Variants in ZFYVE1 observed in about 807,000 individuals in gnomAD.
ZFYVE1 encodes the protein zinc finger FYVE domain-containing protein 1.
ZFYVE1 carries 30 observed loss-of-function variants against 74.4 expected under a neutral mutation model. That is an observed-to-expected ratio of 0.40 (90% confidence interval 0.30 to 0.55). The LOEUF (loss-of-function observed/expected upper bound fraction) is 0.55. ZFYVE1 is among the 20% of genes least tolerant of loss of function. The pLI is 0.42. For missense variants in ZFYVE1, 703 were observed against 1,011.6 expected, an observed-to-expected ratio of 0.69 and a Z score of 4.14; for synonymous variants, 335 against 385.1, an observed-to-expected ratio of 0.87 and a Z score of 1.52.
At chr14:72,985,970 G>A (rs1048225469) in intron 4 of ZFYVE1, among the ~76,000 whole-genome samples, 1 of 152,120 alleles carries the variant, frequency 6.6e-6, no homozygotes, top group Non-Finnish European at 1.5e-5. Flanking sequence ...TGAAAGGCTA[G>A]CCTAAGTATT....
At chr14:73,011,342 C>A (rs1355225172) in intron 2 of ZFYVE1, among the ~76,000 whole-genome samples, 3 of 151,650 alleles carry the variant, frequency 2.0e-5, no homozygotes, top group Non-Finnish European at 4.4e-5. Flanking sequence ...AAAAAATTAA[C>A]CGGGAGTGGT....
chr14:72,972,243 G>A (rs145040920), intron 11 of ZFYVE1, among the ~76,000 whole-genome samples: 2 of 152,144 alleles, frequency 1.3e-5, no homozygotes, highest in Admixed American at 6.5e-5. Context: ...TAACCTCTCA[G>A]GGGCTTACTC....
At chr14:72,984,956 C>A (rs996223862) in intron 4 of ZFYVE1, among the ~76,000 whole-genome samples, 14 of 152,170 alleles carry the variant, frequency 9.2e-5, no homozygotes, top group African/African-American at 3.4e-4. Flanking sequence ...GAATAAGTGC[C>A]CAGCACCAAC....
chr14:72,984,173 C>CA (rs112136370), intron 4 of ZFYVE1, among the ~76,000 whole-genome samples: 4,221 of 151,834 alleles, frequency 0.028, 173 homozygotes, highest in African/African-American at 0.094. Flanking sequence ...CTTCAAACAA[C>CA]AAAAAAAATG....
At chr14:72,996,462 C>G (rs1893751070) in intron 3 of ZFYVE1, among the ~76,000 whole-genome samples, 1 of 152,188 alleles carries the variant, frequency 6.6e-6, no homozygotes. Flanking sequence ...AACACGATCA[C>G]AGCTCACTGC....
At chr14:73,007,780 T>C (rs1894009749) in intron 2 of ZFYVE1, among the ~76,000 whole-genome samples, 3 of 152,156 alleles carry the variant, frequency 2.0e-5, no homozygotes. Flanking sequence ...AATAGCAAGG[T>C]TTAAGTTCTA....
chr14:73,002,402 A>G (rs1893890804), intron 2 of ZFYVE1, among the ~76,000 whole-genome samples: 1 of 152,164 alleles, frequency 6.6e-6, no homozygotes, highest in Non-Finnish European at 1.5e-5. Context: ...AAACTGGTGA[A>G]TATTATGGTA....
Position 72,975,247 on chromosome 14 carries a change from C to G in ZFYVE1, c.1807-288G>C. The stretch of plus-strand genomic sequence containing the variant: ...GATGACCCTAAATAACCTCTAAAGA[C>G]CCCTTTTCCTCCAGATTCTTATCTG... On this transcript the variant is annotated intron_variant, in intron 9 of 11. Coordinates refer to ENST00000556143, the MANE Select transcript of ZFYVE1 (RefSeq NM_021260.4). This position sits in a 1 kb window ranked among gnomAD's most constrained non-coding sequence, Gnocchi z 4.1. 1 of 505,222 alleles carries G rather than the reference C, an allele frequency of 2.0e-6. No homozygotes were observed. The highest frequency in any genetic ancestry group is 1.9e-5 in the African/African-American group (1 of 52,362). 31.3% of individuals were successfully genotyped at this position (505,222 alleles called of 1,614,324 possible).
intron 4 of ZFYVE1, among the ~76,000 whole-genome samples, chr14:72,988,669 T>C (rs955771509): frequency 2.0e-5 from 3 of 151,368 alleles, no homozygotes; most frequent in African/African-American, 7.3e-5. Flanking sequence ...TAGCTAGGCA[T>C]GGTGGTGTGT....
Position 72,969,731 on chromosome 14 carries a change from A to G in ZFYVE1, c.*1151T>C, listed in dbSNP as rs1892980265. On this transcript the variant is annotated 3_prime_UTR_variant, in exon 12 of 12. Coordinates refer to ENST00000556143, the MANE Select transcript of ZFYVE1 (RefSeq NM_021260.4). ...GATTTCAGCACAACGGGCCCTTTCC[A>G]GTCATGACAGACAGAGATGTCCAGG... 2 of 702,218 alleles carry G rather than the reference A, an allele frequency of 2.8e-6. No individual in the cohort carries two copies. The highest frequency in any genetic ancestry group is 4.0e-5 in the Admixed American group (2 of 49,976). The allele number at this position is 702,218 out of a possible 1,614,324, so 43.5% of individuals were successfully genotyped here.
intron 10 of ZFYVE1, among the ~76,000 whole-genome samples, chr14:72,974,540 C>T (rs1003541217): frequency 2.6e-5 from 4 of 152,184 alleles, no homozygotes; most frequent in East Asian, 1.9e-4. Flanking sequence ...TTGCTATGTG[C>T]GCATTCCCTT....
At chr14:72,982,477 C>G in intron 4 of ZFYVE1, among the ~76,000 whole-genome samples, 1 of 151,952 alleles carries the variant, frequency 6.6e-6, no homozygotes, top group South Asian at 2.1e-4. Flanking sequence ...ACCCAAAGGA[C>G]AGCAAATGGC....
At chr14:73,007,273 A>T (rs1468948429) in intron 2 of ZFYVE1, among the ~76,000 whole-genome samples, 2 of 152,064 alleles carry the variant, frequency 1.3e-5, no homozygotes, top group Non-Finnish European at 2.9e-5. Context: ...TAGAAGTTAA[A>T]CCCCAACAAA....
In ZFYVE1 at chr14:72,975,067, C is replaced by T. The variant is rs1263470168; in HGVS notation, c.1807-108G>A. 2 of 1,262,526 alleles carry T rather than the reference C, an allele frequency of 1.6e-6. No homozygotes were observed. The highest frequency in any genetic ancestry group is 2.4e-5 in the East Asian group (1 of 40,970). 78.2% of individuals were successfully genotyped at this position (1,262,526 alleles called of 1,614,324 possible). On this transcript the variant is annotated intron_variant, in intron 9 of 11. Coordinates refer to ENST00000556143, the MANE Select transcript of ZFYVE1 (RefSeq NM_021260.4). The surrounding 1 kb of genome is among the most constrained non-coding windows in gnomAD (Gnocchi z 4.1). Reference sequence around the variant, plus strand: ...AGCAAGCAGAAACTAAGGCAGGTGGCGTTAGCTCAACAAGGACAAGAGCTT... The same window carrying T: ...AGCAAGCAGAAACTAAGGCAGGTGGTGTTAGCTCAACAAGGACAAGAGCTT...
At chr14:72,988,156 A>C (rs1893525517) in intron 4 of ZFYVE1, among the ~76,000 whole-genome samples, 1 of 151,298 alleles carries the variant, frequency 6.6e-6, no homozygotes, top group African/African-American at 2.4e-5. Context: ...AACTTCAAAA[A>C]TAAGATAGGG....
chr14:72,992,776 A>G (rs954964880), intron 4 of ZFYVE1, among the ~76,000 whole-genome samples: 1 of 152,156 alleles, frequency 6.6e-6, no homozygotes, highest in Admixed American at 6.6e-5. Flanking sequence ...TGAATAAATT[A>G]ATTTAAATAA....
chr14:73,015,264 GGAA>G (rs1894167206), intron 2 of ZFYVE1, among the ~76,000 whole-genome samples: 1 of 75,906 alleles, frequency 1.3e-5, no homozygotes, highest in African/African-American at 5.9e-5. Context: ...AAGGAAGGAA[GGAA>G]GGAAGGAAGG....
At chr14:73,014,194 A>G (rs1039200979) in intron 2 of ZFYVE1, among the ~76,000 whole-genome samples, 3 of 152,206 alleles carry the variant, frequency 2.0e-5, no homozygotes, top group Non-Finnish European at 2.9e-5. Context: ...GATGGCTTAC[A>G]TGGGTCAAAT....
chr14:72,971,633 C>T (rs1046921923), intron 11 of ZFYVE1, among the ~76,000 whole-genome samples: 2 of 152,138 alleles, frequency 1.3e-5, no homozygotes, highest in Non-Finnish European at 2.9e-5. Context: ...TGAGCCACCA[C>T]GCCCTTTCTT....
Sources: allele counts gnomAD v4.1 joint callset (sites outside exome capture counted in the v4.1 genomes callset), GRCh38; gene constraint gnomAD v4.1.1; non-coding constraint Gnocchi (gnomAD v3.1); transcripts MANE v1.5; gene names NCBI Gene and HGNC (gene_info 2026-07-23, HGNC 2026-07-21).